Variants in ELAPOR1 observed in about 807,000 individuals in gnomAD.
The protein encoded by ELAPOR1 is endosome/lysosome-associated apoptosis and autophagy regulator 1.
ELAPOR1 carries 77 observed loss-of-function variants against 119.7 expected under a neutral mutation model. The ratio of observed to expected loss-of-function variants is 0.64; its 90% CI spans 0.54 to 0.78. ELAPOR1 has a LOEUF of 0.78. Among genes scored for constraint, ELAPOR1 ranks in the 30% least tolerant of loss-of-function variants. The pLI is 0.00. For synonymous variants in ELAPOR1, 481 were observed against 487.2 expected, an observed-to-expected ratio of 0.99 and a Z score of 0.17; for missense variants, 1,115 against 1,270.4, an observed-to-expected ratio of 0.88 and a Z score of 1.86.
At chr1:109,168,750 T>C (rs1425614535) in intron 3 of ELAPOR1, among the ~76,000 whole-genome samples, 1 of 152,184 alleles carries the variant, frequency 6.6e-6, no homozygotes, top group Non-Finnish European at 1.5e-5. Flanking sequence ...TAGGGTAAGT[T>C]TCCTAAGCAC....
At chr1:109,139,297 C>T (rs1649681767) in intron 1 of ELAPOR1, among the ~76,000 whole-genome samples, 1 of 152,078 alleles carries the variant, frequency 6.6e-6, no homozygotes, top group Non-Finnish European at 1.5e-5. Flanking sequence ...GCCATGATCA[C>T]ACCACTGCAC....
At chr1:109,134,615 G>C (rs1000427816) in intron 1 of ELAPOR1, among the ~76,000 whole-genome samples, 3 of 152,196 alleles carry the variant, frequency 2.0e-5, no homozygotes, top group African/African-American at 7.2e-5. Context: ...AACCGTGGCT[G>C]CTCAGGCGGC....
At chr1:109,149,974 C>T (rs1171084084) in intron 1 of ELAPOR1, among the ~76,000 whole-genome samples, 1 of 152,234 alleles carries the variant, frequency 6.6e-6, no homozygotes, top group African/African-American at 2.4e-5. Flanking sequence ...GAGCCTGGCA[C>T]ATGGATGCTT....
chr1:109,182,212 C>A (rs1421273522), intron 7 of ELAPOR1, among the ~76,000 whole-genome samples: 1 of 152,112 alleles, frequency 6.6e-6, no homozygotes, highest in African/African-American at 2.4e-5. Context: ...CACCTGTAAT[C>A]CCAGCTACTC....
chr1:109,164,623 C>G lies in ELAPOR1; in HGVS notation c.399C>G (p.Gly133=), dbSNP rs759479970. The G allele has an allele frequency of 1.5e-5, 24 of 1,614,150 alleles. No homozygotes were observed. The highest frequency in any genetic ancestry group is 1.3e-4 in the Admixed American group (8 of 60,016). ...ATGAGTGGGATGAGCTGCCCCATGG[C>G]TTTGCCAGCCTCTCAGCCAACATGG... ...RFDEWDELPH[G]FASLSANMEL... The change falls in exon 3 of 22, where the codon GGC becomes GGG. Residue 133 remains glycine, a synonymous_variant. Coordinates refer to ENST00000369939, the MANE Select transcript of ELAPOR1 (RefSeq NM_020775.5).
In ELAPOR1 at chr1:109,140,896, G is replaced by A. The variant is rs952704365; in HGVS notation, c.154-20998G>A. Among the ~76,000 whole-genome samples the A allele has an allele frequency of 3.2e-4, 49 of 152,204 alleles. 1 individual carries two copies. The highest frequency in any genetic ancestry group is 3.4e-3 in the Middle Eastern group (1 of 294). On this transcript the variant is annotated intron_variant, in intron 1 of 21. Coordinates refer to ENST00000369939, the MANE Select transcript of ELAPOR1 (RefSeq NM_020775.5). ...AGACAGAGTCTGTCTCTGTCACCCA[G>A]GCTGGAGTGCAGTGCCACGATCTCG...
At chr1:109,179,409 C>CAAA (rs773712424) in intron 7 of ELAPOR1, among the ~76,000 whole-genome samples, 9 of 50,378 alleles carry the variant, frequency 1.8e-4, no homozygotes, top group African/African-American at 2.2e-4. Flanking sequence ...ACTCTGTCTC[C>CAAA]AAAAAAAAAA....
intron 1 of ELAPOR1, among the ~76,000 whole-genome samples, chr1:109,140,834 T>G (rs1455286998): frequency 1.3e-5 from 2 of 152,212 alleles, no homozygotes; most frequent in Non-Finnish European, 2.9e-5. Flanking sequence ...CTTAAAAGCT[T>G]CAAATGCATT....
intron 7 of ELAPOR1, among the ~76,000 whole-genome samples, chr1:109,183,621 C>CTTCT (rs1652876920): frequency 4.9e-5 from 7 of 142,202 alleles, no homozygotes; most frequent in African/African-American, 1.1e-4. Flanking sequence ...TCCTTCCCTC[C>CTTCT]TTCCTTCCTT....
chr1:109,185,630 C>T (rs1434160941), intron 8 of ELAPOR1, among the ~76,000 whole-genome samples: 2 of 152,196 alleles, frequency 1.3e-5, no homozygotes, highest in African/African-American at 4.8e-5. Flanking sequence ...ACTGAGTCAA[C>T]AAGCATTTTT....
chr1:109,135,347 G>T (rs934334032), intron 1 of ELAPOR1, among the ~76,000 whole-genome samples: 3 of 152,034 alleles, frequency 2.0e-5, no homozygotes, highest in African/African-American at 4.8e-5. Context: ...GGGTTCAAGC[G>T]ATTCTCCTGC....
In ELAPOR1 at chr1:109,188,234, G is replaced by T. The variant is rs1414136809; in HGVS notation, c.1099G>T (p.Ala367Ser). ...PKICSEDLEG[A>S]VKLPASGVKT... ...AATCTGTAGCGAGGACCTTGAGGGG[G>T]CAGTGAAGCTGCCTGCCTCTGGTGT... Residue 367 changes from alanine (A) to serine (S), a missense_variant, in exon 9 of 22, where the codon GCA becomes TCA. Physicochemically the swap from Ala to Ser is moderately conservative, Grantham distance 99. Transcript: ENST00000369939. 6.2e-7 allele frequency: 1 copy of T among 1,614,050 alleles called. No individual in the cohort carries two copies. The highest frequency in any genetic ancestry group is 8.5e-7 in the Non-Finnish European group (1 of 1,179,890).
At chr1:109,176,240 C>T (rs1652276478) in intron 7 of ELAPOR1, among the ~76,000 whole-genome samples, 1 of 152,102 alleles carries the variant, frequency 6.6e-6, no homozygotes, top group Non-Finnish European at 1.5e-5. Context: ...TGGGCAGTGC[C>T]AGCAGATGGC....
intron 1 of ELAPOR1, among the ~76,000 whole-genome samples, chr1:109,137,564 G>T (rs1424988026): frequency 6.6e-6 from 1 of 151,300 alleles, no homozygotes; most frequent in Non-Finnish European, 1.5e-5. Context: ...TTTCGCTCTT[G>T]TTGCCCAGGC....
chr1:109,188,041 A>G, intron 8 of ELAPOR1, 136 bp from the exon 9 acceptor site: 1 of 1,430,172 alleles, frequency 7.0e-7, no homozygotes, highest in East Asian at 2.5e-5. Context: ...TGAGCCACAC[A>G]AAGTTCCCCA....
chr1:109,117,005 T>C (rs958305250), intron 1 of ELAPOR1, among the ~76,000 whole-genome samples: 6 of 152,186 alleles, frequency 3.9e-5, no homozygotes, highest in Non-Finnish European at 8.8e-5. Context: ...TTCTCTGTTC[T>C]TAATCTTCAT....
chr1:109,163,477 C>G (rs1306748955), intron 2 of ELAPOR1, among the ~76,000 whole-genome samples: 1 of 152,134 alleles, frequency 6.6e-6, no homozygotes. Context: ...TCTGTAGCCT[C>G]GACCTCCTGG....
intron 1 of ELAPOR1, 35 bp from the exon 2 acceptor site, chr1:109,161,859 A>G (rs1230040497): frequency 1.3e-6 from 2 of 1,590,176 alleles, no homozygotes; most frequent in Admixed American, 1.7e-5. Flanking sequence ...GATCACTGCT[A>G]ATGCACATTT....
chr1:109,158,049 G>C (rs997474581), intron 1 of ELAPOR1, among the ~76,000 whole-genome samples: 9 of 152,048 alleles, frequency 5.9e-5, no homozygotes, highest in Non-Finnish European at 4.4e-5. Flanking sequence ...CACCACGACC[G>C]ATTAATTTTT....
Sources: allele counts gnomAD v4.1 joint callset (sites outside exome capture counted in the v4.1 genomes callset), GRCh38; gene constraint gnomAD v4.1.1; transcripts MANE v1.5; gene names NCBI Gene and HGNC (gene_info 2026-07-23, HGNC 2026-07-21).